The following NR3C2 variants were observed in gnomAD, a reference collection of about 807,000 sequenced individuals.
NR3C2 encodes the protein nuclear receptor subfamily 3 group C member 2.
NR3C2 carries 15 observed loss-of-function variants against 86.4 expected under a neutral mutation model. That is an observed-to-expected ratio of 0.17 (90% CI 0.12 to 0.27). The LOEUF (loss-of-function observed/expected upper bound fraction) is 0.27, where lower values mean the gene tolerates loss of function less well. Among genes scored for constraint, NR3C2 ranks in the 10% least tolerant of loss-of-function variants. The probability of loss-of-function intolerance (pLI) is 1.00; values close to 1 mark genes in which losing one functional copy is unlikely to be tolerated. For missense variants in NR3C2, 960 were observed against 1,195.6 expected (o/e 0.80, Z 2.91); for synonymous variants, 458 against 450.5 (o/e 1.02, Z -0.21).
chr4:148,326,177 T>G (rs1013716406), intron 2 of NR3C2, among the ~76,000 whole-genome samples: 1 of 148,140 alleles, frequency 6.8e-6, no homozygotes, highest in Non-Finnish European at 1.5e-5. Context: ...GATCACAAGG[T>G]GAGGAGATCG....
intron 6 of NR3C2, among the ~76,000 whole-genome samples, chr4:148,151,551 T>C (rs1734103143): frequency 6.6e-6 from 1 of 152,212 alleles, no homozygotes; most frequent in South Asian, 2.1e-4. Flanking sequence ...GTACATCACA[T>C]GTGGGCGAAC....
At chr4:148,100,264 A>C (rs1283896564) in intron 8 of NR3C2, among the ~76,000 whole-genome samples, 1 of 152,254 alleles carries the variant, frequency 6.6e-6, no homozygotes, top group Non-Finnish European at 1.5e-5. Flanking sequence ...TCTTGGCACC[A>C]AAACAAACGA....
At chr4:148,359,280 A>G (rs546673024) in intron 2 of NR3C2, among the ~76,000 whole-genome samples, 13 of 151,936 alleles carry the variant, frequency 8.6e-5, no homozygotes, top group Admixed American at 3.3e-4. Context: ...TAAAGGGGGG[A>G]AAAAAAAGAA....
intron 3 of NR3C2, among the ~76,000 whole-genome samples, chr4:148,235,094 A>G (rs1326442394): frequency 2.0e-5 from 3 of 152,096 alleles, no homozygotes; most frequent in Non-Finnish European, 4.4e-5. Context: ...CTCATTAGAA[A>G]CTATTTAGGA....
intron 2 of NR3C2, among the ~76,000 whole-genome samples, chr4:148,370,948 C>A (rs566014711): frequency 6.8e-4 from 104 of 152,258 alleles, no homozygotes; most frequent in Non-Finnish European, 1.1e-3. Context: ...CTCACTGCAG[C>A]TTGGAACTCC....
At chr4:148,366,068 C>T (rs1488085342) in intron 2 of NR3C2, among the ~76,000 whole-genome samples, 1 of 152,088 alleles carries the variant, frequency 6.6e-6, no homozygotes, top group Non-Finnish European at 1.5e-5. Context: ...CTAACTTCTG[C>T]CAATCTTAAT....
At chr4:148,214,652 G>A (rs1737436860) in intron 3 of NR3C2, among the ~76,000 whole-genome samples, 1 of 152,114 alleles carries the variant, frequency 6.6e-6, no homozygotes, top group African/African-American at 2.4e-5. Flanking sequence ...TGAGCCATGA[G>A]ATGATGAAAT....
chr4:148,114,902 A>G (rs547830461), intron 7 of NR3C2, among the ~76,000 whole-genome samples: 17 of 152,258 alleles, frequency 1.1e-4, no homozygotes, highest in African/African-American at 3.9e-4. Flanking sequence ...CTTTCTATCC[A>G]CTTTGCACCA....
At chr4:148,347,363 C>A (rs1745046723) in intron 2 of NR3C2, among the ~76,000 whole-genome samples, 2 of 151,850 alleles carry the variant, frequency 1.3e-5, no homozygotes, top group Admixed American at 1.3e-4. Flanking sequence ...CAAATAGATA[C>A]CATGTCTGAA....
intron 6 of NR3C2, 146 bp downstream of exon 6, chr4:148,152,323 C>T: frequency 1.2e-6 from 1 of 812,150 alleles, no homozygotes; most frequent in South Asian, 1.7e-5. Context: ...TTTTAAGTTC[C>T]CAGAGATCTG....
chr4:148,115,755 A>G (rs1175423720), intron 7 of NR3C2, among the ~76,000 whole-genome samples: 4 of 140,918 alleles, frequency 2.8e-5, no homozygotes, highest in East Asian at 6.2e-4. Context: ...ATTTGAGTCT[A>G]TTTTTGTGAG....
intron 3 of NR3C2, 156 bp downstream of exon 3, chr4:148,259,822 G>C (rs769876069): frequency 1.9e-5 from 17 of 899,440 alleles, no homozygotes; most frequent in South Asian, 8.0e-5. Context: ...AAAATCTCCA[G>C]GTGGTTTTTA....
chr4:148,384,205 A>T (rs1361716533), intron 2 of NR3C2, among the ~76,000 whole-genome samples: 2 of 152,008 alleles, frequency 1.3e-5, no homozygotes, highest in African/African-American at 2.4e-5. Flanking sequence ...TTTAAATTAT[A>T]AATATTTTCT....
chr4:148,420,113 G>A (rs1271532355), intron 2 of NR3C2, among the ~76,000 whole-genome samples: 1 of 152,116 alleles, frequency 6.6e-6, no homozygotes, highest in Non-Finnish European at 1.5e-5. Flanking sequence ...CTGGATGAGT[G>A]ACCCAAGCCA....
In NR3C2 at chr4:148,248,732, C is replaced by T. The variant is rs61758925; in HGVS notation, c.1897+11246G>A. Among the ~76,000 whole-genome samples, 1,253 of 152,232 alleles carry T rather than the reference C, an allele frequency of 8.2e-3. 11 individuals carry two copies. The highest frequency in any genetic ancestry group is 0.014 in the Middle Eastern group (4 of 294). ...CCCTAAAGTAACATATGTTTTTCTG[C>T]AATTTTTACTTTTTCCCCTTCAAAT... On this transcript the variant is annotated intron_variant, in intron 3 of 8. Transcript: ENST00000358102.
At chr4:148,270,798 T>C (rs750171671) in intron 2 of NR3C2, among the ~76,000 whole-genome samples, 1 of 152,198 alleles carries the variant, frequency 6.6e-6, no homozygotes, top group Non-Finnish European at 1.5e-5. Context: ...AGCCCCAATA[T>C]ACTTCAGGAC....
At chr4:148,272,682 C>A (rs1740748809) in intron 2 of NR3C2, among the ~76,000 whole-genome samples, 1 of 152,044 alleles carries the variant, frequency 6.6e-6, no homozygotes, top group South Asian at 2.1e-4. Flanking sequence ...TCATCTTTTG[C>A]CTAACACTCT....
intron 2 of NR3C2, among the ~76,000 whole-genome samples, chr4:148,264,162 T>C (rs1425744497): frequency 1.3e-5 from 2 of 152,204 alleles, no homozygotes; most frequent in African/African-American, 4.8e-5. Flanking sequence ...GGACAGACTA[T>C]TGTCAAAAGC....
At chr4:148,278,967 A>G (rs1177571098) in intron 2 of NR3C2, among the ~76,000 whole-genome samples, 1 of 152,004 alleles carries the variant, frequency 6.6e-6, no homozygotes, top group Non-Finnish European at 1.5e-5. Context: ...GTTCGAGACC[A>G]GCCTGGCCAC....
Sources: gnomAD v4.1 joint callset for allele counts (sites outside exome capture counted in the v4.1 genomes callset) on GRCh38, gnomAD v4.1.1 for gene constraint, MANE v1.5 for transcripts, NCBI Gene and HGNC (gene_info 2026-07-23, HGNC 2026-07-21) for gene names.